The following VDR variants were observed in gnomAD, a reference collection of about 807,000 sequenced individuals.
VDR encodes vitamin D3 receptor.
Under a neutral mutation model 39.7 loss-of-function variants are expected in VDR, and 19 were observed. The observed-to-expected ratio is 0.48, with a 90% CI of 0.33 to 0.70. VDR has a LOEUF of 0.70. VDR is among the 30% of genes least tolerant of loss of function. The pLI, the probability that VDR is intolerant of heterozygous loss-of-function variation, is 0.02. For missense variants in VDR, 442 were observed against 570.5 expected (o/e 0.77, Z 2.29); for synonymous variants, 242 against 215.8 (o/e 1.12, Z -1.07).
chr12:47,858,035 TC>T (rs1408627485), intron 4 of VDR, among the ~76,000 whole-genome samples: 2 of 151,998 alleles, frequency 1.3e-5, no homozygotes, highest in Non-Finnish European at 2.9e-5. Context: ...CCATGTAAGT[TC>T]TTCCAAGGTT....
chr12:47,881,845 A>G (rs1032180128), intron 2 of VDR, among the ~76,000 whole-genome samples: 2 of 152,172 alleles, frequency 1.3e-5, no homozygotes, highest in African/African-American at 4.8e-5. Context: ...GCCCAATATC[A>G]TTGTGGGGTA....
At chr12:47,869,117 G>T (rs892126603) in intron 3 of VDR, among the ~76,000 whole-genome samples, 1 of 152,182 alleles carries the variant, frequency 6.6e-6, no homozygotes, top group African/African-American at 2.4e-5. Flanking sequence ...CCACTGCTTC[G>T]CCATCTTTCT....
At chr12:47,876,841 C>T (rs1313431115) in intron 3 of VDR, among the ~76,000 whole-genome samples, 1 of 152,228 alleles carries the variant, frequency 6.6e-6, no homozygotes, top group East Asian at 1.9e-4. Context: ...AGAGCCACTC[C>T]AGTGAGGAAC....
In VDR at chr12:47,844,692, G is replaced by C; in HGVS notation, c.*54C>G. 6.2e-7 allele frequency: 1 copy of C among 1,611,138 alleles called. No homozygotes were observed. The highest frequency in any genetic ancestry group is 2.2e-5 in the East Asian group (1 of 44,848). On this transcript the variant is annotated 3_prime_UTR_variant, in exon 10 of 10. Transcript: ENST00000549336. ...TGAGTAGCCGCCAGCCCCGGGCCTGGCACGTGGCCCTGGAGGAGCAGCCCC... is the reference window on the plus strand; with the variant it reads ...TGAGTAGCCGCCAGCCCCGGGCCTGCCACGTGGCCCTGGAGGAGCAGCCCC...
chr12:47,898,202 A>G (rs1292656697), intron 1 of VDR: 1 of 152,202 alleles, frequency 6.6e-6, no homozygotes, highest in Non-Finnish European at 1.5e-5. Flanking sequence ...AGGCTGTGAC[A>G]TGTATGTGGT....
chr12:47,893,237 C>A (rs956505573), intron 1 of VDR, among the ~76,000 whole-genome samples: 7 of 152,280 alleles, frequency 4.6e-5, no homozygotes, highest in African/African-American at 1.7e-4. Context: ...CTGAATCCAC[C>A]TTGAGTGTTG....
intron 7 of VDR, among the ~76,000 whole-genome samples, chr12:47,854,285 C>A (rs970622305): frequency 2.0e-5 from 3 of 151,820 alleles, no homozygotes; most frequent in African/African-American, 7.3e-5. Context: ...CCACACCTGG[C>A]TAATTTATAA....
At chr12:47,846,922 G>A in intron 7 of VDR, 114 bp from the exon 8 acceptor site, 2 of 1,264,220 alleles carry the variant, frequency 1.6e-6, no homozygotes, top group Non-Finnish European at 2.3e-6. Flanking sequence ...TGCACCCTGG[G>A]TCTTTCATCG....
chr12:47,862,008 G>A (rs923619894), intron 4 of VDR, among the ~76,000 whole-genome samples: 7 of 152,206 alleles, frequency 4.6e-5, no homozygotes, highest in Non-Finnish European at 7.3e-5. Context: ...GAAGCATAAT[G>A]AGGAGCTAAT....
At chr12:47,869,332 C>G (rs1056078251) in intron 3 of VDR, among the ~76,000 whole-genome samples, 1 of 151,624 alleles carries the variant, frequency 6.6e-6, no homozygotes, top group African/African-American at 2.4e-5. Flanking sequence ...GTCAGGAGAT[C>G]GAGACCATTG....
intron 3 of VDR, among the ~76,000 whole-genome samples, chr12:47,871,402 TC>T (rs1242905862): frequency 2.4e-4 from 15 of 63,824 alleles, no homozygotes; most frequent in Non-Finnish European, 5.2e-4. Context: ...CCTCTCTTTC[TC>T]TCTTTCTATC....
chr12:47,904,141 G>A (rs1468849853), intron 1 of VDR, among the ~76,000 whole-genome samples: 1 of 151,908 alleles, frequency 6.6e-6, no homozygotes, highest in Admixed American at 6.5e-5. Flanking sequence ...AGGAGGAACT[G>A]TGAGAAGGGT....
rs1945173402 is a variant in VDR, at chr12:47,841,589, T to C, written c.*3157A>G. ...GCAGTACTTGCAACAAAGTAAGTGC[T>C]ATATAAGTATGAGCCATTTTTATTA... is the stretch of plus-strand genomic sequence containing the variant. On this transcript the variant is annotated 3_prime_UTR_variant, in exon 10 of 10. Transcript: ENST00000549336. The C allele has an allele frequency of 6.6e-6, 1 of 152,406 alleles. No individual in the cohort carries two copies. Among genetic ancestry groups the C allele is most frequent in the Non-Finnish European group, 1.5e-5 (1 of 68,048 alleles). 9.4% of individuals were successfully genotyped at this position (152,406 alleles called of 1,614,324 possible).
chr12:47,894,056 T>C (rs1459535416), intron 1 of VDR, among the ~76,000 whole-genome samples: 1 of 152,236 alleles, frequency 6.6e-6, no homozygotes, highest in Admixed American at 6.5e-5. Context: ...AAGCTATGAT[T>C]CCCCTTCCCC....
At chr12:47,893,992 G>A (rs1244855611) in intron 1 of VDR, among the ~76,000 whole-genome samples, 2 of 152,110 alleles carry the variant, frequency 1.3e-5, no homozygotes, top group South Asian at 2.1e-4. Context: ...TCTTCCCCAG[G>A]GCCACAAAGT....
chr12:47,887,040 G>A (rs1285722665), intron 1 of VDR, among the ~76,000 whole-genome samples: 3 of 152,146 alleles, frequency 2.0e-5, no homozygotes, highest in South Asian at 2.1e-4. Flanking sequence ...GGCCGGGCGC[G>A]GTGGCTCATG....
chr12:47,845,762 G>C, intron 9 of VDR, among the ~76,000 whole-genome samples: 1 of 152,328 alleles, frequency 6.6e-6, no homozygotes, highest in East Asian at 1.9e-4. Flanking sequence ...CCTGGGCACA[G>C]GCCACTAGCA....
chr12:47,870,430 C>A (rs776914316), intron 3 of VDR, among the ~76,000 whole-genome samples: 1 of 152,138 alleles, frequency 6.6e-6, no homozygotes, highest in East Asian at 1.9e-4. Flanking sequence ...GAGCCTGGAC[C>A]CTGTCATCCT....
At chr12:47,892,300 T>C (rs1946385847) in intron 1 of VDR, among the ~76,000 whole-genome samples, 1 of 152,234 alleles carries the variant, frequency 6.6e-6, no homozygotes, top group Admixed American at 6.5e-5. Context: ...ACACTTCCCC[T>C]GTACTGTGTT....
Sources: allele counts gnomAD v4.1 joint callset (sites outside exome capture counted in the v4.1 genomes callset), GRCh38; gene constraint gnomAD v4.1.1; transcripts MANE v1.5; gene names NCBI Gene and HGNC (gene_info 2026-07-23, HGNC 2026-07-21).